Variants in STAG1 observed in about 807,000 individuals in gnomAD.
The protein encoded by STAG1 is cohesin subunit SA-1.
STAG1 carries 26 observed loss-of-function variants against 170.9 expected under a neutral mutation model. That is an observed-to-expected ratio of 0.15 (90% CI 0.11 to 0.21). The LOEUF (loss-of-function observed/expected upper bound fraction) is 0.21. Ranked by LOEUF, STAG1 falls within the 10% of genes least tolerant of loss-of-function variation. The probability of loss-of-function intolerance (pLI) is 1.00; values close to 1 mark genes in which losing one functional copy is unlikely to be tolerated. For synonymous variants in STAG1, 514 were observed against 497.7 expected (o/e 1.03, Z -0.44); for missense variants, 964 against 1,509.5 (o/e 0.64, Z 5.99).
chr3:136,580,358 T>TA (rs532334526), intron 4 of STAG1, among the ~76,000 whole-genome samples: 1 of 151,658 alleles, frequency 6.6e-6, no homozygotes, highest in East Asian at 1.9e-4. Flanking sequence ...ACTAGGTAAA[T>TA]AAAAAAACAG....
intron 26 of STAG1, among the ~76,000 whole-genome samples, chr3:136,361,951 GCTT>G (rs1043642446): frequency 1.3e-5 from 2 of 151,086 alleles, no homozygotes; most frequent in African/African-American, 2.4e-5. Context: ...TATAATTAAT[GCTT>G]CTTTTCTTTC....
At chr3:136,491,614 A>C (rs1324768802) in intron 9 of STAG1, among the ~76,000 whole-genome samples, 1 of 152,216 alleles carries the variant, frequency 6.6e-6, no homozygotes. Context: ...AAGCAATACC[A>C]CAAGGATTCA....
At chr3:136,729,029 G>T (rs551878009) in intron 1 of STAG1, among the ~76,000 whole-genome samples, 4 of 152,140 alleles carry the variant, frequency 2.6e-5, no homozygotes, top group African/African-American at 9.7e-5. Context: ...TTGCCCAGGC[G>T]AGAGTGAAAG....
At chr3:136,369,566 T>TA (rs1560063983) in intron 23 of STAG1, among the ~76,000 whole-genome samples, 1 of 152,112 alleles carries the variant, frequency 6.6e-6, no homozygotes, top group Non-Finnish European at 1.5e-5. Flanking sequence ...CTTGAACTTT[T>TA]AAAAAATGAG....
chr3:136,620,953 C>T (rs553727304), intron 3 of STAG1, among the ~76,000 whole-genome samples: 1 of 152,170 alleles, frequency 6.6e-6, no homozygotes, highest in South Asian at 2.1e-4. Context: ...TGGTGAAACC[C>T]CATCTCTACT....
chr3:136,374,822 C>T (rs1937519278), intron 23 of STAG1, among the ~76,000 whole-genome samples: 1 of 152,070 alleles, frequency 6.6e-6, no homozygotes, highest in African/African-American at 2.4e-5. Context: ...ATAGAGTCTA[C>T]AGTGATGTAT....
At chr3:136,341,636 T>C in intron 30 of STAG1, 85 bp from the exon 31 acceptor site, 1 of 836,972 alleles carries the variant, frequency 1.2e-6, no homozygotes, top group Non-Finnish European at 2.0e-6. Flanking sequence ...CCAAGGTAGG[T>C]TTACTTAATC....
chr3:136,643,672 C>T (rs2107848710), intron 1 of STAG1, among the ~76,000 whole-genome samples: 1 of 152,216 alleles, frequency 6.6e-6, no homozygotes, highest in Non-Finnish European at 1.5e-5. Context: ...CCACACCTGG[C>T]TAATTTTTGT....
At chr3:136,513,651 A>T (rs1412528229) in intron 7 of STAG1, among the ~76,000 whole-genome samples, 2 of 152,176 alleles carry the variant, frequency 1.3e-5, no homozygotes, top group African/African-American at 4.8e-5. Context: ...ATCTTAAAAA[A>T]AAATTTTCAA....
intron 1 of STAG1, among the ~76,000 whole-genome samples, chr3:136,710,678 G>A (rs913109041): frequency 6.6e-6 from 1 of 151,556 alleles, no homozygotes; most frequent in Non-Finnish European, 1.5e-5. Context: ...AGTTTGCCAA[G>A]AAGAAAAATC....
chr3:136,591,976 C>T (rs1559896841), intron 4 of STAG1, among the ~76,000 whole-genome samples: 1 of 152,108 alleles, frequency 6.6e-6, no homozygotes, highest in Non-Finnish European at 1.5e-5. Flanking sequence ...TTAGAAACAG[C>T]ACTTCAAGAA....
At chr3:136,751,831 T>G (rs1202292698) in intron 1 of STAG1, among the ~76,000 whole-genome samples, 4 of 149,904 alleles carry the variant, frequency 2.7e-5, no homozygotes, top group Admixed American at 2.7e-4. Context: ...AGGGCGGGCT[T>G]GGCGGCGGGC....
intron 6 of STAG1, among the ~76,000 whole-genome samples, chr3:136,523,599 T>C (rs1295880351): frequency 6.6e-6 from 1 of 152,204 alleles, no homozygotes; most frequent in African/African-American, 2.4e-5. Context: ...TTTAGTTTAA[T>C]TAGATCCCAT....
At chr3:136,496,657 A>C (rs1350571174) in intron 9 of STAG1, among the ~76,000 whole-genome samples, 1 of 152,228 alleles carries the variant, frequency 6.6e-6, no homozygotes, top group African/African-American at 2.4e-5. Context: ...CAGTGCTTTA[A>C]AAAATTTATA....
intron 28 of STAG1, among the ~76,000 whole-genome samples, chr3:136,354,015 T>C (rs1461278735): frequency 6.6e-6 from 1 of 152,178 alleles, no homozygotes; most frequent in African/African-American, 2.4e-5. Context: ...TGATACCAGA[T>C]GGCAATTCGA....
intron 15 of STAG1, among the ~76,000 whole-genome samples, chr3:136,439,149 T>G (rs1328326078): frequency 8.1e-6 from 1 of 123,886 alleles, no homozygotes; most frequent in African/African-American, 3.2e-5. Flanking sequence ...TGAGCCGAGA[T>G]CCGCCACTGC....
intron 6 of STAG1, among the ~76,000 whole-genome samples, chr3:136,530,863 T>C (rs920338958): frequency 3.3e-5 from 5 of 152,142 alleles, no homozygotes; most frequent in Admixed American, 1.3e-4. Flanking sequence ...CTCAGCACTT[T>C]GGGAGGCTGA....
chr3:136,625,814 C>CATT (rs541181179), intron 2 of STAG1, among the ~76,000 whole-genome samples: 177 of 152,352 alleles, frequency 1.2e-3, no homozygotes, highest in African/African-American at 2.5e-3. Context: ...ATTCTCACAT[C>CATT]ATTACTTACC....
chr3:136,534,250 A>T (rs1935514084), intron 6 of STAG1, among the ~76,000 whole-genome samples: 1 of 152,208 alleles, frequency 6.6e-6, no homozygotes, highest in Non-Finnish European at 1.5e-5. Flanking sequence ...GTTATATAAA[A>T]ATCAACTCAA....
Sources: allele counts gnomAD v4.1 joint callset (sites outside exome capture counted in the v4.1 genomes callset), GRCh38; gene constraint gnomAD v4.1.1; transcripts MANE v1.5; gene names NCBI Gene and HGNC (gene_info 2026-07-23, HGNC 2026-07-21).